GPR158: variants seen among roughly 807,000 people sequenced by gnomAD.
GPR158 encodes the protein metabotropic glycine receptor.
GPR158 carries 30 observed loss-of-function variants against 78.2 expected under a neutral mutation model. That is an observed-to-expected ratio of 0.38 (90% confidence interval 0.29 to 0.52). The LOEUF (loss-of-function observed/expected upper bound fraction) is 0.52. Ranked by LOEUF, GPR158 falls within the 20% of genes least tolerant of loss-of-function variation. The pLI, the probability that GPR158 is intolerant of heterozygous loss-of-function variation, is 0.83. For missense variants in GPR158, 1,463 were observed against 1,523.5 expected (o/e 0.96, Z 0.66); for synonymous variants, 581 against 591.1 (o/e 0.98, Z 0.25).
chr10:25,544,862 C>A (rs973940924), intron 5 of GPR158, among the ~76,000 whole-genome samples: 4 of 152,108 alleles, frequency 2.6e-5, no homozygotes, highest in African/African-American at 9.7e-5. Context: ...TCTGCTACCC[C>A]CCAACCCCTG....
At chr10:25,253,759 C>T (rs1394191995) in intron 2 of GPR158, among the ~76,000 whole-genome samples, 1 of 152,076 alleles carries the variant, frequency 6.6e-6, no homozygotes, top group African/African-American at 2.4e-5. Flanking sequence ...TAAAATGGTT[C>T]ATGACTTGTT....
At chr10:25,529,186 A>G (rs1033069353) in intron 5 of GPR158, among the ~76,000 whole-genome samples, 1 of 152,122 alleles carries the variant, frequency 6.6e-6, no homozygotes. Flanking sequence ...CAGGAGATCC[A>G]GACCGTCCTG....
chr10:25,585,833 A>G (rs10741095), intron 7 of GPR158, among the ~76,000 whole-genome samples: 91,413 of 151,912 alleles, frequency 0.6, 29,102 homozygotes, highest in African/African-American at 0.81. Context: ...ACAAAAATTA[A>G]CCAGGCATGG....
intron 2 of GPR158, among the ~76,000 whole-genome samples, chr10:25,240,436 G>A (rs1853588129): frequency 6.6e-6 from 1 of 152,198 alleles, no homozygotes; most frequent in Non-Finnish European, 1.5e-5. Context: ...TTGAACCCAG[G>A]AGGCAGAAGT....
intron 2 of GPR158, among the ~76,000 whole-genome samples, chr10:25,306,196 G>T (rs1449570470): frequency 2.6e-5 from 4 of 152,040 alleles, no homozygotes; most frequent in Non-Finnish European, 5.9e-5. Flanking sequence ...CCTTATCGAG[G>T]ATGTACAGTG....
At chr10:25,237,992 T>C (rs541422562) in intron 2 of GPR158, among the ~76,000 whole-genome samples, 4 of 152,232 alleles carry the variant, frequency 2.6e-5, no homozygotes, top group South Asian at 2.1e-4. Context: ...CTGTCTCTTC[T>C]GTTTTCTTCT....
intron 1 of GPR158, among the ~76,000 whole-genome samples, chr10:25,212,435 A>AC (rs1564392766): frequency 6.6e-6 from 1 of 151,588 alleles, no homozygotes; most frequent in African/African-American, 2.4e-5. Flanking sequence ...TGATCCGATC[A>AC]CCCCCCACCA....
intron 4 of GPR158, among the ~76,000 whole-genome samples, chr10:25,433,570 T>TGTGCGC (rs1554803626): frequency 5.4e-5 from 7 of 128,750 alleles, no homozygotes; most frequent in African/African-American, 1.1e-4. Flanking sequence ...TGTGTGTGTG[T>TGTGCGC]GCGCGCGCGC....
intron 2 of GPR158, among the ~76,000 whole-genome samples, chr10:25,389,757 G>C (rs537127370): frequency 6.6e-6 from 1 of 152,234 alleles, no homozygotes; most frequent in African/African-American, 2.4e-5. Flanking sequence ...AGCTCCCTGA[G>C]CCAAGGCTGT....
chr10:25,573,076 T>C (rs774150709), intron 7 of GPR158, among the ~76,000 whole-genome samples, 189 bp downstream of exon 7: 2 of 152,218 alleles, frequency 1.3e-5, no homozygotes, highest in Non-Finnish European at 2.9e-5. Flanking sequence ...AAGTTTCTAT[T>C]GTTTTTCAAA....
rs1017110102 is a variant in GPR158, at chr10:25,602,061, G to C, written c.*2787G>C. The C allele has an allele frequency of 4.0e-5, 6 of 151,816 alleles. No individual in the cohort carries two copies. The highest frequency in any genetic ancestry group is 8.9e-5 in the Non-Finnish European group (6 of 67,744). 9.4% of individuals were successfully genotyped at this position (151,816 alleles called of 1,614,324 possible). On this transcript the variant is annotated 3_prime_UTR_variant, in exon 11 of 11. Transcript: ENST00000376351. ...TTCTAGCATTTAGCAACCGAGAGTCGTAGAGTCAATAAAGCTGTAAGTGTC... is the reference window on the plus strand; with the variant it reads ...TTCTAGCATTTAGCAACCGAGAGTCCTAGAGTCAATAAAGCTGTAAGTGTC...
intron 4 of GPR158, among the ~76,000 whole-genome samples, chr10:25,455,156 T>C (rs1237431660): frequency 4.6e-5 from 7 of 152,198 alleles, no homozygotes; most frequent in Non-Finnish European, 8.8e-5. Flanking sequence ...AATTTAGTTT[T>C]TGACATCTTG....
chr10:25,562,181 A>G (rs1836869196), intron 6 of GPR158, among the ~76,000 whole-genome samples: 2 of 152,050 alleles, frequency 1.3e-5, no homozygotes. Flanking sequence ...CCTGACTCTA[A>G]TGAGTCTTTT....
At chr10:25,444,178 C>G (rs1413258808) in intron 4 of GPR158, among the ~76,000 whole-genome samples, 1 of 151,414 alleles carries the variant, frequency 6.6e-6, no homozygotes, top group East Asian at 1.9e-4. Flanking sequence ...CTACTGCAGT[C>G]TGTGACGTGT....
chr10:25,222,996 T>C (rs1853321611), intron 2 of GPR158, among the ~76,000 whole-genome samples: 1 of 152,212 alleles, frequency 6.6e-6, no homozygotes, highest in Non-Finnish European at 1.5e-5. Context: ...TTTTGGAAGA[T>C]TGATTTATTT....
rs930061588 is a variant in GPR158, at chr10:25,374,854, T to G, written c.1009-21057T>G. 2.0e-5 allele frequency among the ~76,000 whole-genome samples: 3 copies of G among 151,850 alleles called. No individual in the cohort carries two copies. The East Asian group carries it at 5.8e-4, about 29-fold the overall frequency. On this transcript the variant is annotated intron_variant, in intron 2 of 10. Transcript: ENST00000376351. ...GGCTCTTAAAAATAAAGCCAAACAC[T>G]TATGTACAGGTTTTTATGTGAACAA...
intron 2 of GPR158, among the ~76,000 whole-genome samples, chr10:25,377,162 AG>A (rs1218423716): frequency 6.6e-6 from 1 of 151,488 alleles, no homozygotes; most frequent in Non-Finnish European, 1.5e-5. Context: ...CTCCAATTAT[AG>A]GTATGTTAGA....
chr10:25,438,087 C>T (rs1835022435), intron 4 of GPR158, among the ~76,000 whole-genome samples: 1 of 152,176 alleles, frequency 6.6e-6, no homozygotes, highest in Non-Finnish European at 1.5e-5. Context: ...AACAGTGATG[C>T]TGATGAGGCA....
chr10:25,342,315 A>G (rs2130507923), intron 2 of GPR158, among the ~76,000 whole-genome samples: 1 of 151,412 alleles, frequency 6.6e-6, no homozygotes. Context: ...GCCTTACATC[A>G]TTCCCCTTCC....
Sources: gnomAD v4.1 joint callset for allele counts (sites outside exome capture counted in the v4.1 genomes callset) on GRCh38, gnomAD v4.1.1 for gene constraint, MANE v1.5 for transcripts, NCBI Gene and HGNC (gene_info 2026-07-23, HGNC 2026-07-21) for gene names.